Variants in ELMO1 observed in about 807,000 individuals in gnomAD.
ELMO1 encodes engulfment and cell motility protein 1.
In ELMO1, 26 loss-of-function variants were observed where a neutral mutation model predicts 98.9. The observed-to-expected ratio is 0.26, with a 90% CI of 0.19 to 0.36. ELMO1 has a LOEUF of 0.36. ELMO1 is among the 10% of genes least tolerant of loss of function. ELMO1 has a pLI of 1.00. For synonymous variants in ELMO1, 346 were observed against 346.0 expected, an observed-to-expected ratio of 1.00 and a Z score of 0.00; for missense variants, 627 against 935.2, an observed-to-expected ratio of 0.67 and a Z score of 4.30.
chr7:37,021,314 T>C (rs1226942839), intron 15 of ELMO1, among the ~76,000 whole-genome samples: 1 of 152,204 alleles, frequency 6.6e-6, no homozygotes, highest in Non-Finnish European at 1.5e-5. Context: ...AAGTCTGGTT[T>C]AATAGAACTC....
chr7:37,059,439 T>C (rs530117915), intron 15 of ELMO1, among the ~76,000 whole-genome samples: 14 of 152,372 alleles, frequency 9.2e-5, no homozygotes, highest in African/African-American at 2.4e-4. Context: ...TAGTATAGCA[T>C]AGTAGAAACT....
chr7:36,973,778 G>T (rs964878314), intron 16 of ELMO1, among the ~76,000 whole-genome samples: 4 of 152,206 alleles, frequency 2.6e-5, no homozygotes, highest in Admixed American at 6.5e-5. Context: ...GGCTGCGCGC[G>T]GCGCTTGCGA....
intron 1 of ELMO1, among the ~76,000 whole-genome samples, chr7:37,364,997 T>C (rs1801846179): frequency 6.6e-6 from 1 of 152,214 alleles, no homozygotes; most frequent in African/African-American, 2.4e-5. Flanking sequence ...GTGGGCTTTT[T>C]AGCTTTTATC....
intron 13 of ELMO1, among the ~76,000 whole-genome samples, chr7:37,173,035 T>C (rs1210561081): frequency 1.3e-5 from 2 of 152,200 alleles, no homozygotes; most frequent in Admixed American, 1.3e-4. Flanking sequence ...CCTTCTGTTA[T>C]AGTAAACAAC....
chr7:37,154,040 G>A (rs1221126719), intron 13 of ELMO1, among the ~76,000 whole-genome samples: 2 of 152,192 alleles, frequency 1.3e-5, no homozygotes, highest in East Asian at 3.9e-4. Context: ...TGGACCTCCA[G>A]CAAACCGCAA....
intron 16 of ELMO1, among the ~76,000 whole-genome samples, chr7:36,972,503 G>A (rs1224654153): frequency 6.6e-6 from 1 of 152,168 alleles, no homozygotes. Flanking sequence ...CAGCAGGGTC[G>A]GTTCCTCTTG....
intron 20 of ELMO1, among the ~76,000 whole-genome samples, chr7:36,869,897 T>G (rs1227899538): frequency 2.0e-5 from 3 of 152,224 alleles, no homozygotes; most frequent in African/African-American, 7.2e-5. Context: ...CTGAAGGGTA[T>G]CAGGCCTTTA....
intron 7 of ELMO1, among the ~76,000 whole-genome samples, chr7:37,240,663 G>A (rs1794721870): frequency 6.6e-6 from 1 of 151,942 alleles, no homozygotes; most frequent in African/African-American, 2.4e-5. Flanking sequence ...ACAAATTTGG[G>A]TATGTTGTAT....
chr7:37,336,655 G>A (rs1236576355), intron 2 of ELMO1, among the ~76,000 whole-genome samples: 2 of 152,170 alleles, frequency 1.3e-5, no homozygotes, highest in Admixed American at 6.5e-5. Flanking sequence ...GAAGCTAGAG[G>A]AAGGAAGGGA....
At chr7:36,949,294 C>A (rs1787771829) in intron 16 of ELMO1, among the ~76,000 whole-genome samples, 1 of 152,206 alleles carries the variant, frequency 6.6e-6, no homozygotes, top group African/African-American at 2.4e-5. Flanking sequence ...GTGTTTCCCC[C>A]ACATTCCCTT....
rs111619830 is a variant in ELMO1 at position 37,175,339 on chromosome 7, A to G, written c.1086+36047T>C. Among the ~76,000 whole-genome samples, 418 of 152,348 alleles carry G rather than the reference A, an allele frequency of 2.7e-3. 3 individuals carry two copies. The highest frequency in any genetic ancestry group is 9.6e-3 in the African/African-American group (400 of 41,582). The stretch of plus-strand genomic sequence containing the variant: ...CTACCAAATCTCTACATTTGTCTGC[A>G]AATTTTCAATGTCCAGTTGGAACGG... On this transcript the variant is annotated intron_variant, in intron 13 of 21. Coordinates refer to ENST00000310758, the MANE Select transcript of ELMO1 (RefSeq NM_014800.11).
chr7:37,183,580 G>C (rs1030659395), intron 13 of ELMO1, among the ~76,000 whole-genome samples: 1 of 152,034 alleles, frequency 6.6e-6, no homozygotes, highest in Non-Finnish European at 1.5e-5. Context: ...GAAATAGGGA[G>C]GTAAACTGGA....
chr7:36,953,288 A>T (rs1788147663), intron 16 of ELMO1, among the ~76,000 whole-genome samples: 1 of 152,098 alleles, frequency 6.6e-6, no homozygotes, highest in African/African-American at 2.4e-5. Flanking sequence ...TCTTGAACGT[A>T]CTACTCTCTT....
intron 13 of ELMO1, among the ~76,000 whole-genome samples, chr7:37,202,055 G>A (rs751451893): frequency 1.3e-5 from 2 of 152,168 alleles, no homozygotes. Context: ...GACTGGCTAG[G>A]ACTGGCAGAG....
rs553836035 is a variant in ELMO1, at chr7:37,041,072, T to G, written c.1301-27637A>C. On this transcript the variant is annotated intron_variant, in intron 15 of 21. Coordinates refer to ENST00000310758, the MANE Select transcript of ELMO1 (RefSeq NM_014800.11). ...TCCAGCCTGGGCAACAGAGTGAGAT[T>G]CCGTCTCAAAAAATATATAATAATA... Among the ~76,000 whole-genome samples, 385 of 152,108 alleles carry G rather than the reference T, an allele frequency of 2.5e-3. 1 individual carries two copies. Among genetic ancestry groups the G allele is most frequent in the African/African-American group, 9.0e-3 (374 of 41,500 alleles).
intron 15 of ELMO1, among the ~76,000 whole-genome samples, chr7:37,093,610 T>G (rs1051945630): frequency 4.6e-5 from 7 of 152,206 alleles, no homozygotes; most frequent in African/African-American, 1.7e-4. Context: ...AACATAAGGG[T>G]GTATTCAGAT....
At chr7:37,094,331 G>A (rs1298197175) in intron 15 of ELMO1, among the ~76,000 whole-genome samples, 3 of 152,146 alleles carry the variant, frequency 2.0e-5, no homozygotes, top group Admixed American at 1.3e-4. Flanking sequence ...CATCTCCAGG[G>A]ACCTGCGAGG....
At chr7:37,337,410 C>A (rs1962400) in intron 2 of ELMO1, among the ~76,000 whole-genome samples, 140,169 of 151,964 alleles carry the variant, frequency 0.92, 64,847 homozygotes, top group Non-Finnish European at 0.95. Flanking sequence ...TAGCATTAGG[C>A]GATATACCTA....
intron 14 of ELMO1, among the ~76,000 whole-genome samples, chr7:37,107,470 G>T (rs1460139340): frequency 6.6e-6 from 1 of 152,182 alleles, no homozygotes; most frequent in Non-Finnish European, 1.5e-5. Flanking sequence ...ATGGGAAAAT[G>T]GATGCTGAAT....
Sources: gnomAD v4.1 joint callset for allele counts (sites outside exome capture counted in the v4.1 genomes callset) on GRCh38, gnomAD v4.1.1 for gene constraint, MANE v1.5 for transcripts, NCBI Gene and HGNC (gene_info 2026-07-23, HGNC 2026-07-21) for gene names.